The following EPS15L1 variants were observed in gnomAD, a reference collection of about 807,000 sequenced individuals.
The protein encoded by EPS15L1 is epidermal growth factor receptor substrate 15-like 1.
EPS15L1 carries 43 observed loss-of-function variants against 117.1 expected under a neutral mutation model. The observed-to-expected ratio is 0.37, with a 90% CI of 0.29 to 0.47. EPS15L1 has a LOEUF of 0.47. EPS15L1 is among the 20% of genes least tolerant of loss of function. EPS15L1 has a pLI of 0.99. For missense variants in EPS15L1, 981 were observed against 1,164.0 expected, an observed-to-expected ratio of 0.84 and a Z score of 2.29; for synonymous variants, 459 against 470.5, an observed-to-expected ratio of 0.98 and a Z score of 0.32.
chr19:16,424,577 G>C (rs897750051), intron 9 of EPS15L1, among the ~76,000 whole-genome samples: 10 of 152,034 alleles, frequency 6.6e-5, no homozygotes, highest in Admixed American at 6.6e-4. Flanking sequence ...TTGGGAGGCC[G>C]AGGCAGGAGG....
chr19:16,457,027 G>A (rs970080233), intron 1 of EPS15L1, among the ~76,000 whole-genome samples: 5 of 152,140 alleles, frequency 3.3e-5, no homozygotes, highest in Admixed American at 2.6e-4. Flanking sequence ...GCAGAAATCC[G>A]CTGCAAGGAG....
intron 1 of EPS15L1, among the ~76,000 whole-genome samples, chr19:16,459,850 A>G (rs1321986757): frequency 6.6e-6 from 1 of 152,216 alleles, no homozygotes; most frequent in Non-Finnish European, 1.5e-5. Context: ...CACAGTCCTT[A>G]TAGCCTGCCC....
chr19:16,448,551 G>GGC lies in EPS15L1; in HGVS notation c.34-6333_34-6332insGC, dbSNP rs900543404. Among the ~76,000 whole-genome samples, 3 of 148,790 alleles carry GGC rather than the reference G, an allele frequency of 2.0e-5. 1 individual carries two copies. The highest frequency in any genetic ancestry group is 7.5e-5 in the African/African-American group (3 of 39,974). On this transcript the variant is annotated intron_variant, in intron 1 of 23. Coordinates refer to ENST00000455140, the MANE Select transcript of EPS15L1 (RefSeq NM_001258374.3). ...AAAATTCCGTATTAAAAAAAAAGGGGGGGGGAGAAAGGCCGGGCGCGGTGG... is the reference window on the plus strand; with the variant it reads ...AAAATTCCGTATTAAAAAAAAAGGGGGCGGGGGAGAAAGGCCGGGCGCGGTGG...
intron 22 of EPS15L1, among the ~76,000 whole-genome samples, chr19:16,362,356 T>C (rs2092066928): frequency 7.1e-6 from 1 of 141,008 alleles, no homozygotes; most frequent in Non-Finnish European, 1.5e-5. Flanking sequence ...AGCAGAAAAA[T>C]ACACTGCAAG....
intron 1 of EPS15L1, among the ~76,000 whole-genome samples, chr19:16,465,025 G>A (rs1464217119): frequency 2.0e-5 from 3 of 151,406 alleles, no homozygotes; most frequent in Admixed American, 6.6e-5. Context: ...CTTGCAGTGA[G>A]CCGAAATTGC....
At chr19:16,393,695 T>A (rs576614027) in intron 18 of EPS15L1, among the ~76,000 whole-genome samples, 4,023 of 147,900 alleles carry the variant, frequency 0.027, 65 homozygotes, top group African/African-American at 0.05. Context: ...ATAAATAAAA[T>A]AAATAAATAA....
rs1047988070 is a variant in EPS15L1, at chr19:16,381,400, C to A, written c.2247+3729G>T. Among the ~76,000 whole-genome samples, 19 of 152,230 alleles carry A rather than the reference C, an allele frequency of 1.2e-4. No individual in the cohort carries two copies. The highest frequency in any genetic ancestry group is 4.6e-4 in the African/African-American group (19 of 41,466). On this transcript the variant is annotated intron_variant, in intron 21 of 23. Transcript: ENST00000455140. This position sits in a 1 kb window ranked among gnomAD's most constrained non-coding sequence, Gnocchi z 4.2. ...CACCCCAGTGGTGGGTCCAGGGCCT[C>A]GTCCTGGGCAGACTGTCCTGCCCAG...
At chr19:16,439,257 C>G (rs529627774) in intron 4 of EPS15L1, among the ~76,000 whole-genome samples, 2 of 151,870 alleles carry the variant, frequency 1.3e-5, no homozygotes, top group South Asian at 4.2e-4. Flanking sequence ...AAAAGGGGAC[C>G]TTTCATCCCT....
chr19:16,420,506 C>T (rs561446781), intron 10 of EPS15L1, among the ~76,000 whole-genome samples: 7 of 152,290 alleles, frequency 4.6e-5, no homozygotes, highest in East Asian at 1.9e-4. Context: ...GATGACTCTG[C>T]GACAGCTAGT....
chr19:16,429,485 T>A (rs1429928623), intron 7 of EPS15L1, among the ~76,000 whole-genome samples: 3 of 152,288 alleles, frequency 2.0e-5, no homozygotes, highest in African/African-American at 7.2e-5. Flanking sequence ...CTCCAGCCAA[T>A]CACCAGGGCT....
intron 13 of EPS15L1, chr19:16,412,713 TGGGGGG>T: frequency 2.8e-5 from 2 of 72,122 alleles, no homozygotes; most frequent in African/African-American, 6.5e-5. Context: ...CAGCGGGGGG[TGGGGGG>T]GGGGGGGGTG....
intron 22 of EPS15L1, among the ~76,000 whole-genome samples, chr19:16,362,606 C>T (rs2092073342): frequency 6.8e-6 from 1 of 147,898 alleles, no homozygotes; most frequent in Non-Finnish European, 1.5e-5. Flanking sequence ...TTATTGCGGC[C>T]TTGGCCTCCA....
At chr19:16,441,102 C>A in intron 3 of EPS15L1, 193 bp from the exon 4 acceptor site, 1 of 643,096 alleles carries the variant, frequency 1.6e-6, no homozygotes, top group Non-Finnish European at 2.8e-6. Flanking sequence ...CAGTCAGCGG[C>A]AGGGCCCAGA....
intron 21 of EPS15L1, among the ~76,000 whole-genome samples, chr19:16,377,918 C>T (rs994676034): frequency 1.3e-5 from 2 of 152,250 alleles, no homozygotes; most frequent in Admixed American, 1.3e-4. Context: ...CCATCACACC[C>T]ATCCACATCC....
rs555519611 is a variant in EPS15L1 at position 16,365,266 on chromosome 19, T to C, written c.2381-3282A>G. 2.6e-5 allele frequency among the ~76,000 whole-genome samples: 4 copies of C among 152,316 alleles called. No homozygotes were observed. The highest frequency in any genetic ancestry group is 2.1e-4 in the South Asian group (1 of 4,822). On this transcript the variant is annotated intron_variant, in intron 22 of 23. Transcript: ENST00000455140. This position sits in a 1 kb window ranked among gnomAD's most constrained non-coding sequence, Gnocchi z 4.9. Reference sequence around the variant, plus strand: ...ACAAAGGGCTGTGTCCCCCCAACAATTGTTCATACGTTCAAGTCCTAACCC... The same window carrying C: ...ACAAAGGGCTGTGTCCCCCCAACAACTGTTCATACGTTCAAGTCCTAACCC...
At chr19:16,360,550 C>T (rs2092037242) in intron 23 of EPS15L1, among the ~76,000 whole-genome samples, 1 of 150,688 alleles carries the variant, frequency 6.6e-6, no homozygotes, top group African/African-American at 2.4e-5. Flanking sequence ...CAGACCAGCC[C>T]AGGCAACACA....
At chr19:16,391,382 G>A (rs1184097338) in intron 19 of EPS15L1, among the ~76,000 whole-genome samples, 1 of 152,120 alleles carries the variant, frequency 6.6e-6, no homozygotes, top group Non-Finnish European at 1.5e-5. Flanking sequence ...ACATTAAAAA[G>A]GGGCCAATAA....
chr19:16,424,724 G>A (rs781632160), intron 9 of EPS15L1, among the ~76,000 whole-genome samples: 24 of 151,992 alleles, frequency 1.6e-4, no homozygotes, highest in South Asian at 4.2e-4. Flanking sequence ...GCAGTGGCGC[G>A]CTCTCAGCTC....
chr19:16,417,339 G>C (rs2092767639), intron 12 of EPS15L1: 2 of 535,964 alleles, frequency 3.7e-6, no homozygotes, highest in Non-Finnish European at 6.8e-6. Flanking sequence ...CCACACAGAT[G>C]CTACGGGCTC....
Sources: allele counts gnomAD v4.1 joint callset (sites outside exome capture counted in the v4.1 genomes callset), GRCh38; gene constraint gnomAD v4.1.1; non-coding constraint Gnocchi (gnomAD v3.1); transcripts MANE v1.5; gene names NCBI Gene and HGNC (gene_info 2026-07-23, HGNC 2026-07-21).